DMRT3: variants seen among roughly 807,000 people sequenced by gnomAD.
DMRT3 encodes doublesex- and mab-3-related transcription factor 3.
Under a neutral mutation model 34.9 loss-of-function variants are expected in DMRT3, and 29 were observed. That is an observed-to-expected ratio of 0.83 (90% CI 0.62 to 1.13). The LOEUF is 1.13. Among genes scored for constraint, DMRT3 ranks in the 50% most tolerant of loss-of-function variants. DMRT3 has a pLI of 0.00. For missense variants in DMRT3, 772 were observed against 629.1 expected (o/e 1.23, Z -2.43); for synonymous variants, 350 against 286.0 (o/e 1.22, Z -2.26).
rs1820356219 is a variant in DMRT3 at position 990,946 on chromosome 9, G to A, written c.1360G>A (p.Asp454Asn). 15 of 1,613,984 alleles carry A rather than the reference G, an allele frequency of 9.3e-6. No individual in the cohort carries two copies. Among genetic ancestry groups the A allele is most frequent in the Non-Finnish European group, 1.2e-5 (14 of 1,180,030 alleles). ...FVSKQSIYTE[D>N]DYDERSDSSD... ...GTCAAAGCAGTCCATTTACACCGAG[G>A]ACGACTATGACGAGAGGTCTGACTC... is the stretch of plus-strand genomic sequence containing the variant. Residue 454 changes from aspartate to asparagine, a missense_variant, in exon 2 of 2, where the codon GAC (aspartate) becomes AAC (asparagine). Physicochemically the swap from Asp to Asn is conservative, Grantham distance 23. Coordinates refer to ENST00000190165, the MANE Select transcript of DMRT3 (RefSeq NM_021240.4).
intron 1 of DMRT3, among the ~76,000 whole-genome samples, chr9:981,082 T>G (rs1820210727): frequency 6.6e-6 from 1 of 152,084 alleles, no homozygotes; most frequent in Admixed American, 6.6e-5. Context: ...TCTTCTTTCC[T>G]GTTTATTTCT....
Position 990,480 on chromosome 9 carries a change from T to A in DMRT3, c.894T>A (p.Thr298=), listed in dbSNP as rs1820343989. The A allele has an allele frequency of 6.2e-7, 1 of 1,614,092 alleles. No homozygotes were observed. Among genetic ancestry groups the A allele is most frequent in the African/African-American group, 1.3e-5 (1 of 74,932 alleles). Residue 298 remains threonine (T), a synonymous_variant, in exon 2 of 2, where the codon ACT becomes ACA. Transcript: ENST00000190165. ...CCTCAGTCACGGGAGCAGAGCGAACTTCCGCAGAACCTGAGAGTCTAGCGT... is the reference window on the plus strand; with the variant it reads ...CCTCAGTCACGGGAGCAGAGCGAACATCCGCAGAACCTGAGAGTCTAGCGT... ...SRSSVTGAER[T]SAEPESLALP... is the part of the protein sequence containing the mutation.
At chr9:980,424 G>A (rs1563687503) in intron 1 of DMRT3, among the ~76,000 whole-genome samples, 1 of 151,924 alleles carries the variant, frequency 6.6e-6, no homozygotes, top group South Asian at 2.1e-4. Flanking sequence ...CTTTTTGAAT[G>A]TAGATTTCTC....
intron 1 of DMRT3, among the ~76,000 whole-genome samples, chr9:981,521 G>C (rs1820221079): frequency 6.6e-6 from 1 of 152,188 alleles, no homozygotes; most frequent in African/African-American, 2.4e-5. Context: ...AAATAAAAAG[G>C]AATACGCATA....
chr9:990,743 C>G lies in DMRT3; in HGVS notation c.1157C>G (p.Pro386Arg). ...AGAAGCCAGTCGAGCCCCTTTTTGC[C>G]CAATGATGTCACCCTGTGGAACACC... ...LARSQSSPFL[P>R]NDVTLWNTMT... The change falls in exon 2 of 2, where the codon CCC becomes CGC. Residue 386 changes from proline (P) to arginine (R), a missense_variant. Physicochemically the swap from Pro to Arg is moderately radical, Grantham distance 103. Coordinates refer to ENST00000190165, the MANE Select transcript of DMRT3 (RefSeq NM_021240.4). 1 of 1,614,116 alleles carries G rather than the reference C, an allele frequency of 6.2e-7. No individual in the cohort carries two copies. Among genetic ancestry groups the G allele is most frequent in the Non-Finnish European group, 8.5e-7 (1 of 1,180,014 alleles).
intron 1 of DMRT3, chr9:989,832 C>A: frequency 1.8e-6 from 1 of 568,724 alleles, no homozygotes; most frequent in South Asian, 2.6e-5. Context: ...TCCAGGAAGC[C>A]ACTCTGATTT....
At chr9:988,921 G>C (rs888844199) in intron 1 of DMRT3, among the ~76,000 whole-genome samples, 2 of 152,184 alleles carry the variant, frequency 1.3e-5, no homozygotes, top group African/African-American at 4.8e-5. Context: ...TTATTATAAA[G>C]TCCTGTTGGA....
In DMRT3 at chr9:990,606, G is replaced by A; in HGVS notation, c.1020G>A (p.Leu340=). ...VGSAFRVPDT[L]RFSADSSNVV... ...CAGCCTTTCGAGTCCCAGACACGTTGAGGTTTTCTGCCGACTCTAGCAACG... is the reference window on the plus strand; with the variant it reads ...CAGCCTTTCGAGTCCCAGACACGTTAAGGTTTTCTGCCGACTCTAGCAACG... Residue 340 remains leucine, a synonymous_variant, in exon 2 of 2, where the codon TTG becomes TTA. Transcript: ENST00000190165. The A allele has an allele frequency of 6.2e-7, 1 of 1,614,090 alleles. No individual in the cohort carries two copies. The highest frequency in any genetic ancestry group is 8.5e-7 in the Non-Finnish European group (1 of 1,180,034).
intron 1 of DMRT3, among the ~76,000 whole-genome samples, chr9:980,803 A>C (rs1171275028): frequency 6.6e-6 from 1 of 152,126 alleles, no homozygotes; most frequent in Non-Finnish European, 1.5e-5. Flanking sequence ...GAGGGAAGTT[A>C]AGGGTCACTG....
At chr9:986,473 A>G (rs1269656454) in intron 1 of DMRT3, among the ~76,000 whole-genome samples, 3 of 152,150 alleles carry the variant, frequency 2.0e-5, no homozygotes, top group African/African-American at 4.8e-5. Context: ...GGAAGAGTCA[A>G]TTTGGTTGAC....
In DMRT3 at chr9:977,463, C is replaced by G; in HGVS notation, c.454+8C>G. On this transcript the variant is annotated splice_region_variant and intron_variant, in intron 1 of 1. Coordinates refer to ENST00000190165, the MANE Select transcript of DMRT3 (RefSeq NM_021240.4). The stretch of plus-strand genomic sequence containing the variant: ...CGCAGCTCGCCAAGCCAGGTAAGAG[C>G]GTCTGAGGTGCGGGAGTTTGGCCGG... 1.6e-6 allele frequency: 2 copies of G among 1,281,124 alleles called. No individual in the cohort carries two copies. The highest frequency in any genetic ancestry group is 2.0e-6 in the Non-Finnish European group (2 of 1,013,754). The allele number at this position is 1,281,124 out of a possible 1,614,324, so 79.4% of individuals were successfully genotyped here.
chr9:989,111 A>G (rs933178539), intron 1 of DMRT3, among the ~76,000 whole-genome samples: 2 of 151,990 alleles, frequency 1.3e-5, no homozygotes, highest in Non-Finnish European at 1.5e-5. Flanking sequence ...TCTTCTTTTC[A>G]TATAATATAA....
intron 1 of DMRT3, among the ~76,000 whole-genome samples, chr9:986,517 G>T (rs919334173): frequency 3.9e-5 from 6 of 152,162 alleles, no homozygotes; most frequent in African/African-American, 1.4e-4. Context: ...TATGTTTTCA[G>T]TGTTTGAAAC....
At position 990,799 on chromosome 9, in the gene DMRT3, T is replaced by G. The variant is rs1820352736; in HGVS notation, c.1213T>G (p.Ser405Ala). 6.2e-7 allele frequency: 1 copy of G among 1,613,994 alleles called. No individual in the cohort carries two copies. Residue 405 changes from serine (S) to alanine (A), a missense_variant, in exon 2 of 2, where the codon TCC (serine) becomes GCC (alanine). By Grantham distance (99) the Ser-to-Ala change is moderately conservative (BLOSUM62 1). Transcript: ENST00000190165. ...MTLQQQYQLR[S>A]QYVSPFPSNS... ...GCTGCAGCAGCAGTATCAGCTGAGG[T>G]CCCAGTATGTCAGTCCTTTCCCCAG...
intron 1 of DMRT3, among the ~76,000 whole-genome samples, chr9:987,007 T>C (rs868544178): frequency 6.6e-5 from 10 of 152,200 alleles, no homozygotes; most frequent in Admixed American, 2.0e-4. Flanking sequence ...TCTATATTAC[T>C]ATGACACTGT....
intron 1 of DMRT3, among the ~76,000 whole-genome samples, chr9:986,257 G>T (rs1457938077): frequency 1.3e-5 from 2 of 151,892 alleles, no homozygotes; most frequent in African/African-American, 4.8e-5. Context: ...TACAAGAGTG[G>T]AATTTTATAT....
intron 1 of DMRT3, among the ~76,000 whole-genome samples, chr9:984,670 G>C (rs1474840205): frequency 2.0e-5 from 3 of 152,020 alleles, no homozygotes; most frequent in Non-Finnish European, 4.4e-5. Flanking sequence ...ATGTTAGCCA[G>C]ATGGTCTTGA....
intron 1 of DMRT3, among the ~76,000 whole-genome samples, chr9:981,969 C>T (rs1046045941): frequency 2.6e-5 from 4 of 152,234 alleles, no homozygotes; most frequent in Admixed American, 2.0e-4. Context: ...CTTCACTACC[C>T]TCTCCTTCCC....
chr9:987,571 G>C (rs1365774990), intron 1 of DMRT3, among the ~76,000 whole-genome samples: 2 of 151,980 alleles, frequency 1.3e-5, no homozygotes, highest in African/African-American at 4.8e-5. Context: ...CATATTTGAG[G>C]CTTAGCAAAT....
Sources: allele counts gnomAD v4.1 joint callset (sites outside exome capture counted in the v4.1 genomes callset), GRCh38; gene constraint gnomAD v4.1.1; transcripts MANE v1.5; gene names NCBI Gene and HGNC (gene_info 2026-07-23, HGNC 2026-07-21).